Variants in C5orf46 observed in about 807,000 individuals in gnomAD.
C5orf46 encodes uncharacterized protein C5orf46.
A neutral mutation model predicts 8.9 loss-of-function variants in C5orf46; 9 were observed. The ratio of observed to expected loss-of-function variants is 1.01; its 90% CI spans 0.61 to 1.76. The LOEUF is 1.76. Among genes scored for constraint, C5orf46 ranks in the 40% most tolerant of loss-of-function variants. The probability of loss-of-function intolerance (pLI) is 0.00; values close to 1 mark genes in which losing one functional copy is unlikely to be tolerated. For missense variants in C5orf46, 98 were observed against 107.8 expected (o/e 0.91, Z 0.40); for synonymous variants, 47 against 41.4 (o/e 1.14, Z -0.52).
intron 1 of C5orf46, among the ~76,000 whole-genome samples, chr5:147,902,521 G>A (rs978668856): frequency 1.3e-5 from 2 of 152,052 alleles, no homozygotes; most frequent in Non-Finnish European, 2.9e-5. Flanking sequence ...TGCCTATGAC[G>A]ATCTACATGG....
At chr5:147,888,065 A>G (rs1349961577), downstream of C5orf46, among the ~76,000 whole-genome samples, 1 of 152,188 alleles carries the variant, frequency 6.6e-6, no homozygotes, top group East Asian at 1.9e-4. Flanking sequence ...CATATACCTG[A>G]GTGGCAACAC....
chr5:147,897,112 G>T, intron 2 of C5orf46, 71 bp from the exon 3 acceptor site: 3 of 668,024 alleles, frequency 4.5e-6, no homozygotes, highest in Non-Finnish European at 5.1e-6. Flanking sequence ...TCACTAAGGC[G>T]CTGTATAATG....
chr5:147,887,825 C>A (rs1337688327), downstream of C5orf46: 1 of 152,136 alleles, frequency 6.6e-6, no homozygotes, highest in Non-Finnish European at 1.5e-5. Flanking sequence ...CCCATCTTAA[C>A]CAAATAATAT....
chr5:147,903,415 C>T (rs1757701945), intron 1 of C5orf46, among the ~76,000 whole-genome samples: 1 of 152,214 alleles, frequency 6.6e-6, no homozygotes. Context: ...CGTAGTTTAT[C>T]TAGCAACCTC....
chr5:147,889,332 C>T (rs1345145088), downstream of C5orf46, among the ~76,000 whole-genome samples: 7 of 152,144 alleles, frequency 4.6e-5, no homozygotes, highest in African/African-American at 1.4e-4. Context: ...TTTGAACAGT[C>T]AGGGACAACA....
chr5:147,906,330 A>G (rs1419861943), intron 1 of C5orf46, 102 bp downstream of exon 1: 4 of 649,724 alleles, frequency 6.2e-6, no homozygotes, highest in East Asian at 2.9e-5. Flanking sequence ...TGGAGTGCCC[A>G]AAGACCCCTT....
At chr5:147,897,251 A>G (rs975832085) in intron 2 of C5orf46, among the ~76,000 whole-genome samples, 1 of 152,218 alleles carries the variant, frequency 6.6e-6, no homozygotes, top group Non-Finnish European at 1.5e-5. Flanking sequence ...CAACAAACCC[A>G]TTAGTTAGGT....
intron 2 of C5orf46, 197 bp downstream of exon 2, chr5:147,901,432 C>A: frequency 4.2e-6 from 2 of 475,402 alleles, no homozygotes; most frequent in Non-Finnish European, 7.3e-6. Context: ...ATGGGAATGT[C>A]CTTTCCCCCA....
rs375984253 is a variant in C5orf46, at chr5:147,898,555, C to A, written c.216-1514G>T. Among the ~76,000 whole-genome samples the A allele has an allele frequency of 4.6e-5, 7 of 150,914 alleles. No homozygotes were observed. In the East Asian group the frequency reaches 1.4e-3, roughly 29 times the overall value. On this transcript the variant is annotated intron_variant, in intron 2 of 3. Coordinates refer to ENST00000318315, the MANE Select transcript of C5orf46 (RefSeq NM_206966.3). ...TCTGGAGCTCAGGAAAAAATTGCAA[C>A]AGAAATGTGAATTTGAAACTCATTA...
chr5:147,896,996 C>G lies in C5orf46; in HGVS notation c.261G>C (p.Lys87Asn), dbSNP rs746363792. 1 of 1,504,306 alleles carries G rather than the reference C, an allele frequency of 6.6e-7. No individual in the cohort carries two copies. The highest frequency in any genetic ancestry group is 9.1e-7 in the Non-Finnish European group (1 of 1,096,666). 93.2% of individuals were successfully genotyped at this position (1,504,306 alleles called of 1,614,324 possible). Reference sequence around the variant, plus strand: ...AGTGAAAAATCACCTGAGGATGTCACTTTGATGAATGTTTTCCTTCATTAT... The same window carrying G: ...AGTGAAAAATCACCTGAGGATGTCAGTTTGATGAATGTTTTCCTTCATTAT... Reference protein sequence around the residue: ...FDDNEGKHSSK With the variant: ...FDDNEGKHSSN The change falls in exon 3 of 4, where the codon AAG (lysine) becomes AAC (asparagine). Residue 87 changes from lysine (K) to asparagine (N), a missense_variant. Physicochemically the swap from Lys to Asn is moderately conservative, Grantham distance 94. Coordinates refer to ENST00000318315, the MANE Select transcript of C5orf46 (RefSeq NM_206966.3).
At position 147,901,715 on chromosome 5, in the gene C5orf46, T is replaced by A. The variant is rs758724116; in HGVS notation, c.129A>T (p.Pro43=). 192 of 1,614,086 alleles carry A rather than the reference T, an allele frequency of 1.2e-4. No homozygotes were observed. The Middle Eastern group carries it at 5.3e-3, about 44-fold the overall frequency. ...GGAGGCTTAGGAATTTGGGGAAGTCTGGCTTTGGGTCTTTGCCCGAGTCGT... is the reference window on the plus strand; with the variant it reads ...GGAGGCTTAGGAATTTGGGGAAGTCAGGCTTTGGGTCTTTGCCCGAGTCGT... ...KPDDSGKDPK[P]DFPKFLSLLG... Residue 43 remains proline (P), a synonymous_variant, in exon 2 of 4, where the codon CCA becomes CCT. Transcript: ENST00000318315.
chr5:147,900,423 G>C (rs1286998949), intron 2 of C5orf46, among the ~76,000 whole-genome samples: 1 of 151,994 alleles, frequency 6.6e-6, no homozygotes, highest in Non-Finnish European at 1.5e-5. Context: ...AGACCCCTTT[G>C]AAAATCTAAT....
intron 1 of C5orf46, among the ~76,000 whole-genome samples, chr5:147,904,849 A>T (rs994445665): frequency 5.4e-5 from 8 of 149,416 alleles, no homozygotes; most frequent in Non-Finnish European, 7.4e-5. Flanking sequence ...ATACACACAC[A>T]TACATATATC....
downstream of C5orf46, among the ~76,000 whole-genome samples, chr5:147,888,876 A>C (rs1174902244): frequency 6.6e-6 from 1 of 152,176 alleles, no homozygotes; most frequent in Non-Finnish European, 1.5e-5. Context: ...AAATGCATGC[A>C]GTTTTTGTAC....
downstream of C5orf46, among the ~76,000 whole-genome samples, chr5:147,891,057 C>T (rs571621881): frequency 6.6e-6 from 1 of 152,282 alleles, no homozygotes; most frequent in East Asian, 1.9e-4. Context: ...GTGTCCTCAG[C>T]ATGTCACAGG....
chr5:147,904,366 A>AG (rs1283431489), intron 1 of C5orf46, among the ~76,000 whole-genome samples: 1 of 152,254 alleles, frequency 6.6e-6, no homozygotes, highest in Non-Finnish European at 1.5e-5. Flanking sequence ...TGGCTGACCC[A>AG]GGGTTTGAAC....
chr5:147,897,824 T>C (rs980493184), intron 2 of C5orf46, among the ~76,000 whole-genome samples: 2 of 152,142 alleles, frequency 1.3e-5, no homozygotes, highest in African/African-American at 4.8e-5. Flanking sequence ...GGGTTTTGGC[T>C]TTGGGGCTAG....
At chr5:147,893,916 T>C (rs1176137602) in intron 3 of C5orf46, among the ~76,000 whole-genome samples, 6 of 151,934 alleles carry the variant, frequency 3.9e-5, no homozygotes, top group African/African-American at 1.5e-4. Context: ...TATTTTTTTT[T>C]TTTTTGCCTG....
chr5:147,906,504 T>C lies in C5orf46; in HGVS notation c.-3A>G, dbSNP rs756745156. ...AGGCGAAGTACTGAGACAGCCATTC[T>C]GGTAGCACGGGGTATTCGTGCAGAT... On this transcript the variant is annotated 5_prime_UTR_variant, in exon 1 of 4. Coordinates refer to ENST00000318315, the MANE Select transcript of C5orf46 (RefSeq NM_206966.3). 3.1e-6 allele frequency: 5 copies of C among 1,607,880 alleles called. No homozygotes were observed. In the Admixed American group the frequency reaches 6.7e-5, roughly 21 times the overall value.
Sources: allele counts gnomAD v4.1 joint callset (sites outside exome capture counted in the v4.1 genomes callset), GRCh38; gene constraint gnomAD v4.1.1; transcripts MANE v1.5; gene names NCBI Gene and HGNC (gene_info 2026-07-23, HGNC 2026-07-21).